The following EDEM1 variants were observed in gnomAD, a reference collection of about 807,000 sequenced individuals.
The protein encoded by EDEM1 is ER degradation-enhancing alpha-mannosidase-like protein 1.
In EDEM1, 67 loss-of-function variants were observed where a neutral mutation model predicts 74.4. The ratio of observed to expected loss-of-function variants is 0.90; its 90% CI spans 0.74 to 1.10. EDEM1 has a LOEUF of 1.10. EDEM1 is among the 50% of genes least tolerant of loss of function. The pLI is 0.00. For synonymous variants in EDEM1, 382 were observed against 335.9 expected (o/e 1.14, Z -1.50); for missense variants, 926 against 851.6 (o/e 1.09, Z -1.09).
At position 5,187,852 on chromosome 3, in the gene EDEM1, G is replaced by C. The variant is rs202133841; in HGVS notation, c.47G>C (p.Gly16Ala). ...CTGGGGCTGGTGCTCCTCCGGCTTG[G>C]CCTCCATGGAGTATTGTGGCTCGTC... Reference protein sequence around the residue: ...LVLGLVLLRLGLHGVLWLVFG... With the variant: ...LVLGLVLLRLALHGVLWLVFG... Residue 16 changes from glycine to alanine, a missense_variant, in exon 1 of 12, where the codon GGC (glycine) becomes GCC (alanine). By Grantham distance (60) the Gly-to-Ala change is moderately conservative (BLOSUM62 0). Coordinates refer to ENST00000256497, the MANE Select transcript of EDEM1 (RefSeq NM_014674.3). 1 of 1,595,302 alleles carries C rather than the reference G, an allele frequency of 6.3e-7. No individual in the cohort carries two copies. Among genetic ancestry groups the C allele is most frequent in the East Asian group, 2.3e-5 (1 of 42,808 alleles).
Position 5,187,761 on chromosome 3 carries a change from G to C in EDEM1, c.-45G>C. 1 of 1,483,886 alleles carries C rather than the reference G, an allele frequency of 6.7e-7. No homozygotes were observed. The allele number at this position is 1,483,886 out of a possible 1,614,324, so 91.9% of individuals were successfully genotyped here. Reference sequence around the variant, plus strand: ...AGCGCGGGGTGCGGTGGTCGGCGGGGAGGCCCCCGCGCTTTAAAATAATGC... The same window carrying C: ...AGCGCGGGGTGCGGTGGTCGGCGGGCAGGCCCCCGCGCTTTAAAATAATGC... On this transcript the variant is annotated 5_prime_UTR_variant, in exon 1 of 12. Coordinates refer to ENST00000256497, the MANE Select transcript of EDEM1 (RefSeq NM_014674.3).
chr3:5,195,370 A>C (rs575007397), intron 2 of EDEM1, 89 bp downstream of exon 2: 1 of 670,640 alleles, frequency 1.5e-6, no homozygotes, highest in Non-Finnish European at 2.3e-6. Context: ...AATTCCAGGG[A>C]GCCTGATAAG....
intron 1 of EDEM1, among the ~76,000 whole-genome samples, chr3:5,190,170 A>G (rs1297643144): frequency 1.6e-4 from 24 of 152,192 alleles, no homozygotes; most frequent in Admixed American, 1.6e-3. Flanking sequence ...CCATATGTCT[A>G]TGCATGTTTT....
At position 5,187,821 on chromosome 3, in the gene EDEM1, C is replaced by G. The variant is rs769823913; in HGVS notation, c.16C>G (p.Leu6Val). The change falls in exon 1 of 12, where the codon CTC (leucine) becomes GTC (valine). Residue 6 changes from leucine to valine, a missense_variant. Coordinates refer to ENST00000256497, the MANE Select transcript of EDEM1 (RefSeq NM_014674.3). ...CCGCGCGACCATGCAATGGCGAGCG[C>G]TCGTCCTGGGGCTGGTGCTCCTCCG... The part of the protein sequence containing the change: MQWRA[L>V]VLGLVLLRLG... 1 of 1,582,774 alleles carries G rather than the reference C, an allele frequency of 6.3e-7. No homozygotes were observed. Among genetic ancestry groups the G allele is most frequent in the Non-Finnish European group, 8.6e-7 (1 of 1,165,972 alleles).
intron 1 of EDEM1, chr3:5,188,548 G>C (rs1381613337): frequency 9.7e-6 from 4 of 413,672 alleles, no homozygotes; most frequent in Admixed American, 9.1e-5. Flanking sequence ...CCAAACTTCA[G>C]AACTGCTGTC....
chr3:5,216,802 T>A lies in EDEM1; in HGVS notation c.*884T>A, dbSNP rs982400065. ...CTGAGGAACTCCCATAGTTCCAGAA[T>A]CAGGTGCCTTTTAGGGAGAGAACAA... On this transcript the variant is annotated 3_prime_UTR_variant, in exon 12 of 12. Coordinates refer to ENST00000256497, the MANE Select transcript of EDEM1 (RefSeq NM_014674.3). 3.3e-5 allele frequency: 5 copies of A among 152,694 alleles called. No homozygotes were observed. Among genetic ancestry groups the A allele is most frequent in the Non-Finnish European group, 7.3e-5 (5 of 68,046 alleles). 9.5% of individuals were successfully genotyped at this position (152,694 alleles called of 1,614,324 possible). A position where few individuals can be genotyped will look rare whatever the true frequency, so the allele number is the denominator to read the frequency against.
rs754114068 is a variant in EDEM1 at position 5,215,864 on chromosome 3, G to C, written c.1920G>C (p.Leu640=). 3 of 1,612,952 alleles carry C rather than the reference G, an allele frequency of 1.9e-6. No homozygotes were observed. Among genetic ancestry groups the C allele is most frequent in the Admixed American group, 3.3e-5 (2 of 59,784 alleles). The change falls in exon 12 of 12, where the codon CTG becomes CTC. Residue 640 remains leucine (L), a synonymous_variant. Transcript: ENST00000256497. ...NRVPDERRYS[L]PLKSIYMRQI... ...TACCTGATGAGAGGAGGTACTCCCT[G>C]CCCTTAAAGAGCATCTACATGCGAC...
At chr3:5,192,948 C>G (rs1375226582) in intron 1 of EDEM1, among the ~76,000 whole-genome samples, 1 of 149,946 alleles carries the variant, frequency 6.7e-6, no homozygotes, top group African/African-American at 2.5e-5. Flanking sequence ...ACTGTGGCAG[C>G]TCATTAATTT....
At chr3:5,208,927 C>T (rs985049634) in intron 8 of EDEM1, among the ~76,000 whole-genome samples, 1 of 152,094 alleles carries the variant, frequency 6.6e-6, no homozygotes, top group African/African-American at 2.4e-5. Flanking sequence ...TATATACACA[C>T]TGAGAGTCCT....
At chr3:5,194,792 G>C (rs2054943124) in intron 1 of EDEM1, among the ~76,000 whole-genome samples, 1 of 152,222 alleles carries the variant, frequency 6.6e-6, no homozygotes, top group South Asian at 2.1e-4. Flanking sequence ...ATAGGCTGTG[G>C]TGTCTAATTT....
At chr3:5,191,512 T>G (rs2054901952) in intron 1 of EDEM1, among the ~76,000 whole-genome samples, 1 of 152,036 alleles carries the variant, frequency 6.6e-6, no homozygotes, top group Non-Finnish European at 1.5e-5. Context: ...AGATTATAGG[T>G]GTGAGCCACC....
chr3:5,215,078 G>A (rs139245533), intron 11 of EDEM1, among the ~76,000 whole-genome samples: 146 of 152,322 alleles, frequency 9.6e-4, no homozygotes, highest in Middle Eastern at 3.4e-3. Flanking sequence ...ATGTGGGCTG[G>A]TGGGGGCAGT....
intron 10 of EDEM1, among the ~76,000 whole-genome samples, chr3:5,211,945 A>G (rs561374646): frequency 6.6e-6 from 1 of 152,260 alleles, no homozygotes; most frequent in South Asian, 2.1e-4. Context: ...ATGGCCACAT[A>G]GAAACAGAGG....
rs757857601 is a variant in EDEM1, at chr3:5,211,165, A to G, written c.1629A>G (p.Glu543=). ...ATCACGTCATTGACAAGTCCACAGAAGACCGGATGGAGAGCTTCTTTCTCA... is the reference window on the plus strand; with the variant it reads ...ATCACGTCATTGACAAGTCCACAGAGGACCGGATGGAGAGCTTCTTTCTCA... ...TLHHVIDKST[E]DRMESFFLSE... Residue 543 remains glutamate, a synonymous_variant, in exon 10 of 12, where the codon GAA becomes GAG. Coordinates refer to ENST00000256497, the MANE Select transcript of EDEM1 (RefSeq NM_014674.3). The G allele has an allele frequency of 1.7e-5, 28 of 1,614,236 alleles. No homozygotes were observed. The East Asian group carries it at 6.0e-4, about 35-fold the overall frequency.
chr3:5,195,350 C>T, intron 2 of EDEM1, 69 bp downstream of exon 2: 2 of 925,574 alleles, frequency 2.2e-6, no homozygotes, highest in Non-Finnish European at 3.1e-6. Context: ...TAGTTCCCTC[C>T]AGCAGTGGGA....
intron 8 of EDEM1, among the ~76,000 whole-genome samples, chr3:5,209,057 G>A (rs534085381): frequency 1.5e-4 from 23 of 152,270 alleles, no homozygotes; most frequent in African/African-American, 5.1e-4. Flanking sequence ...CAGGGCCTGA[G>A]TTTTAGAAAC....
intron 11 of EDEM1, among the ~76,000 whole-genome samples, chr3:5,214,637 C>G (rs1017857648): frequency 3.3e-5 from 5 of 152,224 alleles, no homozygotes; most frequent in African/African-American, 1.2e-4. Flanking sequence ...CTTCTAACAA[C>G]AGCCCTGTGA....
chr3:5,190,595 T>C (rs2054889987), intron 1 of EDEM1, among the ~76,000 whole-genome samples: 1 of 152,198 alleles, frequency 6.6e-6, no homozygotes, highest in Admixed American at 6.5e-5. Context: ...TGGTTATGCA[T>C]TGGTTTGGTT....
At chr3:5,190,258 A>G (rs914787131) in intron 1 of EDEM1, among the ~76,000 whole-genome samples, 16 of 152,236 alleles carry the variant, frequency 1.1e-4, no homozygotes, top group African/African-American at 3.1e-4. Flanking sequence ...TGGTATTACA[A>G]GAAGGGAGAG....
Sources: gnomAD v4.1 joint callset for allele counts (sites outside exome capture counted in the v4.1 genomes callset) on GRCh38, gnomAD v4.1.1 for gene constraint, MANE v1.5 for transcripts, NCBI Gene and HGNC (gene_info 2026-07-23, HGNC 2026-07-21) for gene names.